DMAC2L: variants seen among roughly 807,000 people sequenced by gnomAD.
DMAC2L encodes distal membrane arm assembly component 2 like, also known as ATP synthase subunit s, mitochondrial.
A neutral mutation model predicts 22.5 loss-of-function variants in DMAC2L; 21 were observed. That is an observed-to-expected ratio of 0.93 (90% CI 0.66 to 1.34). The LOEUF (loss-of-function observed/expected upper bound fraction) is 1.34. Ranked by LOEUF, DMAC2L falls within the 40% of genes most tolerant of loss-of-function variation. DMAC2L has a pLI of 0.00. For synonymous variants in DMAC2L, 86 were observed against 89.5 expected, an observed-to-expected ratio of 0.96 and a Z score of 0.22; for missense variants, 239 against 246.5, an observed-to-expected ratio of 0.97 and a Z score of 0.20.
intron 4 of DMAC2L, chr14:50,323,006 T>G (rs2032409055): frequency 7.6e-7 from 1 of 1,318,720 alleles, no homozygotes. Context: ...GTCAAACTTC[T>G]GTCATTGAGA....
chr14:50,319,669 C>G (rs1439548374), intron 2 of DMAC2L, among the ~76,000 whole-genome samples: 1 of 152,198 alleles, frequency 6.6e-6, no homozygotes, highest in Non-Finnish European at 1.5e-5. Context: ...TTCCTTACAG[C>G]TCTAATGTTT....
chr14:50,314,425 C>T (rs536016415), intron 1 of DMAC2L, among the ~76,000 whole-genome samples, 166 bp from the exon 2 acceptor site: 6 of 152,274 alleles, frequency 3.9e-5, no homozygotes, highest in South Asian at 2.1e-4. Flanking sequence ...TTCTCGGTCT[C>T]GGGTATGTCT....
upstream of DMAC2L, among the ~76,000 whole-genome samples, chr14:50,311,785 A>G (rs148231540): frequency 1.3e-5 from 2 of 152,336 alleles, no homozygotes; most frequent in South Asian, 2.1e-4. Context: ...TCAAAGCCAG[A>G]GCTACTCCCG....
chr14:50,314,702 T>G, intron 2 of DMAC2L, 76 bp downstream of exon 2: 1 of 442,916 alleles, frequency 2.3e-6, no homozygotes, highest in Non-Finnish European at 4.5e-6. Context: ...AGTGCAGTGG[T>G]GCAATCTCAA....
rs561857109 is a variant in DMAC2L, at chr14:50,317,245, G to A, written c.-6+2619G>A. 7.3e-4 allele frequency among the ~76,000 whole-genome samples: 111 copies of A among 152,228 alleles called. 6 individuals are homozygous for A. The South Asian group carries it at 0.022, about 31-fold the overall frequency. ...GATTCTCAGCTTGGTCACTGTTGGT[G>A]TATACTAAAGGTACTAATTATGTCA... On this transcript the variant is annotated intron_variant, in intron 2 of 5. Transcript: ENST00000557421.
intron 5 of DMAC2L, among the ~76,000 whole-genome samples, chr14:50,325,131 CTAAT>C (rs56213210): frequency 0.54 from 82,214 of 151,518 alleles, 22,442 homozygotes; most frequent in East Asian, 0.62. Flanking sequence ...AATTATGTAT[CTAAT>C]TAATGTAGTT....
At chr14:50,325,502 G>A (rs554459136) in intron 5 of DMAC2L, 107 bp from the exon 6 acceptor site, 1 of 1,338,346 alleles carries the variant, frequency 7.5e-7, no homozygotes, top group African/African-American at 1.5e-5. Context: ...AAGGCATAGG[G>A]TGATATAGAT....
At chr14:50,319,034 A>T in intron 2 of DMAC2L, 1 of 985,456 alleles carries the variant, frequency 1.0e-6, no homozygotes, top group Non-Finnish European at 1.2e-6. Context: ...GAATGAATGG[A>T]CATGGCATTT....
At position 50,326,658 on chromosome 14, in the gene DMAC2L, T is replaced by G. The variant is rs1019948226; in HGVS notation, c.*935T>G. On this transcript the variant is annotated 3_prime_UTR_variant, in exon 6 of 6. Coordinates refer to ENST00000557421, the MANE Select transcript of DMAC2L (RefSeq NM_001382507.1). Reference sequence around the variant, plus strand: ...TTTATTAAAACTGGACATAGATACTTGGCTGAATACAAATAGTTTTGCAGA... The same window carrying G: ...TTTATTAAAACTGGACATAGATACTGGGCTGAATACAAATAGTTTTGCAGA... 2.0e-5 allele frequency: 20 copies of G among 985,242 alleles called. No individual in the cohort carries two copies. The highest frequency in any genetic ancestry group is 2.3e-5 in the Non-Finnish European group (19 of 829,858). The allele number at this position is 985,242 out of a possible 1,614,324, so 61.0% of individuals were successfully genotyped here. A position where few individuals can be genotyped will look rare whatever the true frequency, so the allele number is the denominator to read the frequency against.
Position 50,318,822 on chromosome 14 carries a change from C to A in DMAC2L, c.-5-2661C>A, listed in dbSNP as rs117238964. On this transcript the variant is annotated intron_variant, in intron 2 of 5. Coordinates refer to ENST00000557421, the MANE Select transcript of DMAC2L (RefSeq NM_001382507.1). ...AGATTCTCATGGTATTTGTTCACAC[C>A]TCTATTATCCAACCACGTTGGGTGT... The A allele has an allele frequency of 4.9e-3, 779 of 160,156 alleles. 1 individual carries two copies. Among genetic ancestry groups the A allele is most frequent in the Non-Finnish European group, 7.7e-3 (583 of 75,306 alleles). 9.9% of individuals were successfully genotyped at this position (160,156 alleles called of 1,614,324 possible).
intron 2 of DMAC2L, 177 bp from the exon 3 acceptor site, chr14:50,321,296 CTCATTTTTTT>C: frequency 2.0e-5 from 24 of 1,195,152 alleles, no homozygotes; most frequent in Non-Finnish European, 2.5e-5. Flanking sequence ...AGTCCAACCC[CTCATTTTTTT>C]GCAGCAAACA....
intron 1 of DMAC2L, chr14:50,312,634 C>A: frequency 3.5e-6 from 1 of 282,936 alleles, no homozygotes; most frequent in Non-Finnish European, 6.7e-6. Context: ...GCCCCCGCCC[C>A]GCCCCCGCTC....
chr14:50,325,178 C>T, intron 5 of DMAC2L, among the ~76,000 whole-genome samples: 1 of 152,124 alleles, frequency 6.6e-6, no homozygotes, highest in Non-Finnish European at 1.5e-5. Flanking sequence ...TGCCAGTAAC[C>T]TCAGTATCAC....
intron 2 of DMAC2L, chr14:50,319,163 A>G: frequency 6.5e-7 from 1 of 1,530,246 alleles, no homozygotes; most frequent in African/African-American, 1.4e-5. Context: ...TAAGATTGAC[A>G]ACTAATAGAG....
intron 1 of DMAC2L, among the ~76,000 whole-genome samples, chr14:50,313,375 C>T (rs1383105383): frequency 6.6e-6 from 1 of 152,146 alleles, no homozygotes; most frequent in African/African-American, 2.4e-5. Context: ...AGCAGTGTCT[C>T]CCTAGTCTTA....
rs144623419 is a variant in DMAC2L at position 50,319,067 on chromosome 14, G to A, written c.-5-2416G>A. 2,392 of 985,388 alleles carry A rather than the reference G, an allele frequency of 2.4e-3. 6 individuals carry two copies. The Middle Eastern group carries it at 0.025, about 10-fold the overall frequency. The allele number at this position is 985,388 out of a possible 1,614,324, so 61.0% of individuals were successfully genotyped here. On this transcript the variant is annotated intron_variant, in intron 2 of 5. Coordinates refer to ENST00000557421, the MANE Select transcript of DMAC2L (RefSeq NM_001382507.1). Reference sequence around the variant, plus strand: ...TTTGAGTAAGGTCTTGAGGTTGGGTGGGATTTCCACAGATTGATGGTGATG... The same window carrying A: ...TTTGAGTAAGGTCTTGAGGTTGGGTAGGATTTCCACAGATTGATGGTGATG...
chr14:50,320,997 A>T (rs374807461), intron 2 of DMAC2L, among the ~76,000 whole-genome samples: 1 of 152,204 alleles, frequency 6.6e-6, no homozygotes, highest in South Asian at 2.1e-4. Context: ...TTTTGTTTAC[A>T]CTGCTCTGGT....
At chr14:50,312,198 C>T (rs750512269), upstream of DMAC2L, 12 of 1,601,252 alleles carry the variant, frequency 7.5e-6, no homozygotes, top group East Asian at 2.5e-4. Context: ...AGCCACTTGA[C>T]CCTCCACGGC....
intron 2 of DMAC2L, chr14:50,318,883 A>G: frequency 3.7e-6 from 1 of 269,032 alleles, no homozygotes; most frequent in South Asian, 1.4e-4. Flanking sequence ...TCTTTATTAA[A>G]TTATATGTTC....
Sources: gnomAD v4.1 joint callset for allele counts (sites outside exome capture counted in the v4.1 genomes callset) on GRCh38, gnomAD v4.1.1 for gene constraint, MANE v1.5 for transcripts, NCBI Gene and HGNC (gene_info 2026-07-23, HGNC 2026-07-21) for gene names.